The following USP7 variants were observed in gnomAD, a reference collection of about 807,000 sequenced individuals.
USP7 encodes the protein ubiquitin C-terminal hydrolase 7.
Under a neutral mutation model 162.9 loss-of-function variants are expected in USP7, and 9 were observed. That is an observed-to-expected ratio of 0.06 (90% CI 0.03 to 0.10). The LOEUF is 0.10. USP7 is among the 10% of genes least tolerant of loss of function. The probability of loss-of-function intolerance (pLI) is 1.00; values close to 1 mark genes in which losing one functional copy is unlikely to be tolerated. For missense variants in USP7, 715 were observed against 1,373.7 expected, an observed-to-expected ratio of 0.52 and a Z score of 7.58; for synonymous variants, 562 against 475.9, an observed-to-expected ratio of 1.18 and a Z score of -2.35.
At chr16:8,940,376 C>T (rs893536211) in intron 1 of USP7, among the ~76,000 whole-genome samples, 5 of 152,218 alleles carry the variant, frequency 3.3e-5, no homozygotes, top group Admixed American at 3.3e-4. Context: ...GGACCAGCCT[C>T]CAGCACAGTG....
intron 2 of USP7, among the ~76,000 whole-genome samples, chr16:8,924,027 A>AT (rs148081930): frequency 0.062 from 9,359 of 152,124 alleles, 314 homozygotes; most frequent in Middle Eastern, 0.15. Context: ...AAGAACTGGT[A>AT]TTTTTTCCCA....
chr16:8,895,840 T>TG, intron 26 of USP7, 99 bp from the exon 27 acceptor site: 1 of 20,262 alleles, frequency 4.9e-5, no homozygotes, highest in Non-Finnish European at 7.8e-5. Flanking sequence ...CCACGATATG[T>TG]TTTTTTTTTT....
Position 8,915,316 on chromosome 16 carries a change from T to C in USP7, c.1016A>G (p.Tyr339Cys). Residue 339 changes from tyrosine (Y) to cysteine (C), a missense_variant, in exon 10 of 31, where the codon TAT (tyrosine) becomes TGT (cysteine). Tyr to Cys is a radical substitution (Grantham distance 194). Coordinates refer to ENST00000344836, the MANE Select transcript of USP7 (RefSeq NM_003470.3). ...ATAATCTTCTCTTCTATCAGACCGA[T>C]AGTCTACTTCTTTACACTGGATATA... ...VSYIQCKEVD[Y>C]RSDRREDYYD... 2 of 1,613,204 alleles carry C rather than the reference T, an allele frequency of 1.2e-6. No individual in the cohort carries two copies. Among genetic ancestry groups the C allele is most frequent in the Non-Finnish European group, 1.7e-6 (2 of 1,179,788 alleles).
rs144116379 is a variant in USP7 at position 8,923,262 on chromosome 16, T to A, written c.336A>T (p.Gln112His). The stretch of plus-strand genomic sequence containing the variant: ...ACTGGAGAAAGAATCCTACGCTTTT[T>A]TGGTGTGGTCTGTCTGGATAAAAGC... ...MPRFYPDRPH[Q>H]KSVGFFLQCN... The change falls in exon 3 of 31, where the codon CAA becomes CAT. Residue 112 changes from glutamine to histidine, a missense_variant. By Grantham distance (24) the Gln-to-His change is conservative (BLOSUM62 0). Around this residue, in one of 11 missense-constraint regions of USP7, gnomAD observed 35 missense variants for 101.0 expected, o/e 0.35. Coordinates refer to ENST00000344836, the MANE Select transcript of USP7 (RefSeq NM_003470.3). The A allele has an allele frequency of 6.2e-7, 1 of 1,614,270 alleles. No homozygotes were observed. The highest frequency in any genetic ancestry group is 8.5e-7 in the Non-Finnish European group (1 of 1,180,054).
chr16:8,922,993 T>G (rs1161432633), intron 3 of USP7, among the ~76,000 whole-genome samples: 1 of 152,236 alleles, frequency 6.6e-6, no homozygotes, highest in African/African-American at 2.4e-5. Flanking sequence ...CCTGATTCCA[T>G]GGGCTGGTAG....
At chr16:8,911,805 A>G (rs760219093) in intron 10 of USP7, among the ~76,000 whole-genome samples, 16 of 152,226 alleles carry the variant, frequency 1.1e-4, no homozygotes, top group Admixed American at 1.0e-3. Flanking sequence ...AGAACTGATC[A>G]GTGAACTCGA....
intron 1 of USP7, among the ~76,000 whole-genome samples, chr16:8,937,339 G>C (rs1458798008): frequency 6.6e-6 from 1 of 152,140 alleles, no homozygotes; most frequent in African/African-American, 2.4e-5. Context: ...GAGGCCAGAA[G>C]TTTGAGACCA....
intron 25 of USP7, chr16:8,897,312 G>T (rs1023875534): frequency 3.3e-5 from 17 of 516,198 alleles, no homozygotes; most frequent in Non-Finnish European, 5.5e-5. Flanking sequence ...ATACTGACGG[G>T]AGGTTAACAA....
intron 10 of USP7, among the ~76,000 whole-genome samples, chr16:8,914,999 G>A (rs1381201860): frequency 1.3e-5 from 2 of 152,172 alleles, no homozygotes; most frequent in African/African-American, 4.8e-5. Flanking sequence ...GTTAACCCAG[G>A]GTGTTAGAAG....
At chr16:8,899,994 ACAAAACAAAACCCCCTT>A in intron 21 of USP7, 2 of 584,118 alleles carry the variant, frequency 3.4e-6, no homozygotes, top group South Asian at 4.2e-5. Context: ...TCATCCCACT[ACAAAACAAAACCCCCTT>A]AGGTAACAGC....
intron 1 of USP7, among the ~76,000 whole-genome samples, chr16:8,933,309 G>T (rs1898480267): frequency 2.0e-5 from 3 of 152,024 alleles, no homozygotes; most frequent in Non-Finnish European, 4.4e-5. Flanking sequence ...ACTTGTGGGG[G>T]GCCAAGACGG....
At chr16:8,938,907 T>G (rs1898903667) in intron 1 of USP7, among the ~76,000 whole-genome samples, 1 of 152,156 alleles carries the variant, frequency 6.6e-6, no homozygotes, top group South Asian at 2.1e-4. Context: ...ACTACACTGT[T>G]TTGTATGAGG....
At chr16:8,895,976 A>G (rs140154776) in intron 26 of USP7, among the ~76,000 whole-genome samples, 134 of 151,948 alleles carry the variant, frequency 8.8e-4, no homozygotes, top group African/African-American at 2.9e-3. Flanking sequence ...AGTTGGGACT[A>G]CAGGTGCGTG....
intron 29 of USP7, 58 bp from the exon 30 acceptor site, chr16:8,894,698 T>C: frequency 5.0e-6 from 8 of 1,611,956 alleles, no homozygotes; most frequent in Middle Eastern, 1.7e-4. Context: ...AAAACTCACA[T>C]CTCTGGCAAA....
chr16:8,909,314 C>T (rs1285702554), intron 11 of USP7, among the ~76,000 whole-genome samples: 1 of 152,194 alleles, frequency 6.6e-6, no homozygotes, highest in African/African-American at 2.4e-5. Context: ...GCCCAGCAGC[C>T]AGCGAGAGAC....
At chr16:8,895,983 C>A (rs149269124) in intron 26 of USP7, among the ~76,000 whole-genome samples, 1 of 151,844 alleles carries the variant, frequency 6.6e-6, no homozygotes, top group Non-Finnish European at 1.5e-5. Context: ...ACTACAGGTG[C>A]GTGCCACCAC....
intron 25 of USP7, 25 bp from the exon 26 acceptor site, chr16:8,897,124 G>A: frequency 6.4e-7 from 1 of 1,564,654 alleles, no homozygotes; most frequent in Non-Finnish European, 8.8e-7. Context: ...GATAAAATAA[G>A]TGCTTTCAAG....
chr16:8,933,545 A>C (rs1223125452), intron 1 of USP7, among the ~76,000 whole-genome samples: 1 of 152,178 alleles, frequency 6.6e-6, no homozygotes, highest in Admixed American at 6.5e-5. Flanking sequence ...AACCTACTAG[A>C]GATTAGGGTT....
chr16:8,912,605 T>C (rs1011200557), intron 10 of USP7, among the ~76,000 whole-genome samples: 3 of 151,478 alleles, frequency 2.0e-5, no homozygotes, highest in Non-Finnish European at 4.4e-5. Context: ...TTATCAACTA[T>C]ACTTAAGTCC....
Sources: gnomAD v4.1 joint callset for allele counts (sites outside exome capture counted in the v4.1 genomes callset) on GRCh38, gnomAD v4.1.1 for gene constraint, gnomAD v4.1.1 regional missense constraint, MANE v1.5 for transcripts, NCBI Gene and HGNC (gene_info 2026-07-23, HGNC 2026-07-21) for gene names.